The following CACUL1 variants were observed in gnomAD, a reference collection of about 807,000 sequenced individuals.
The protein encoded by CACUL1 is CDK2-associated and cullin domain-containing protein 1.
CACUL1 carries 13 observed loss-of-function variants against 45.2 expected under a neutral mutation model. The ratio of observed to expected loss-of-function variants is 0.29; its 90% CI spans 0.19 to 0.46. The LOEUF is 0.46. CACUL1 is among the 20% of genes least tolerant of loss of function. The pLI, the probability that CACUL1 is intolerant of heterozygous loss-of-function variation, is 1.00. For missense variants in CACUL1, 421 were observed against 471.4 expected (o/e 0.89, Z 0.99); for synonymous variants, 197 against 174.2 (o/e 1.13, Z -1.03).
intron 1 of CACUL1, among the ~76,000 whole-genome samples, chr10:118,737,308 AACACTATGG>A (rs1440305760): frequency 6.6e-6 from 1 of 152,216 alleles, no homozygotes; most frequent in African/African-American, 2.4e-5. Context: ...ATTCAATTTA[AACACTATGG>A]ACAATTTAAA....
At chr10:118,694,172 G>GT (rs1845298809) in intron 6 of CACUL1, among the ~76,000 whole-genome samples, 1 of 152,130 alleles carries the variant, frequency 6.6e-6, no homozygotes, top group Non-Finnish European at 1.5e-5. Flanking sequence ...GCCTAAGAAG[G>GT]TATTTCTAAA....
intron 2 of CACUL1, 52 bp from the exon 3 acceptor site, chr10:118,729,449 ACT>A (rs1845679462): frequency 7.6e-7 from 1 of 1,310,366 alleles, no homozygotes; most frequent in Admixed American, 1.7e-5. Context: ...AAAGCACTTA[ACT>A]CAGTCCAAGG....
intron 3 of CACUL1, among the ~76,000 whole-genome samples, chr10:118,715,905 T>C (rs759584561): frequency 2.6e-5 from 4 of 152,174 alleles, no homozygotes; most frequent in African/African-American, 7.2e-5. Context: ...TGTACGTTCA[T>C]TGAAATTTTT....
At chr10:118,745,331 G>A (rs1845831120) in intron 1 of CACUL1, among the ~76,000 whole-genome samples, 1 of 152,174 alleles carries the variant, frequency 6.6e-6, no homozygotes, top group African/African-American at 2.4e-5. Context: ...GCCGAGGTAG[G>A]TAGGTGGATC....
chr10:118,710,941 G>C (rs1261823476), intron 3 of CACUL1, among the ~76,000 whole-genome samples: 2 of 152,148 alleles, frequency 1.3e-5, no homozygotes, highest in Non-Finnish European at 2.9e-5. Context: ...ACTAGCTGTG[G>C]TACTTCTAAG....
At chr10:118,703,965 T>C (rs1845408773) in intron 4 of CACUL1, among the ~76,000 whole-genome samples, 1 of 140,790 alleles carries the variant, frequency 7.1e-6, no homozygotes, top group Admixed American at 6.8e-5. Flanking sequence ...CAATTTTGCA[T>C]TTTTTCCCCA....
intron 5 of CACUL1, among the ~76,000 whole-genome samples, chr10:118,697,972 T>C (rs183425086): frequency 9.2e-5 from 14 of 152,346 alleles, no homozygotes; most frequent in African/African-American, 1.9e-4. Context: ...ATGGAGCCGA[T>C]AGAAAACTAG....
intron 7 of CACUL1, among the ~76,000 whole-genome samples, chr10:118,690,356 C>T (rs967282069): frequency 8.2e-5 from 12 of 146,392 alleles, no homozygotes; most frequent in African/African-American, 2.0e-4. Flanking sequence ...AAAATGGAAG[C>T]TATTACTGTG....
intron 3 of CACUL1, 105 bp downstream of exon 3, chr10:118,729,190 A>T (rs536813884): frequency 1.4e-6 from 1 of 703,314 alleles, no homozygotes; most frequent in African/African-American, 1.8e-5. Flanking sequence ...TTATAAATTT[A>T]TATCATAATC....
At chr10:118,707,458 G>T in intron 4 of CACUL1, 34 bp downstream of exon 4, 1 of 968,144 alleles carries the variant, frequency 1.0e-6, no homozygotes, top group Non-Finnish European at 1.7e-6. Flanking sequence ...AATACACCTA[G>T]GTATTTGGGA....
chr10:118,741,001 TTAAATCCTGGAAGTCAACAGGTAA>T (rs1456816192), intron 1 of CACUL1, among the ~76,000 whole-genome samples: 1 of 151,040 alleles, frequency 6.6e-6, no homozygotes, highest in Non-Finnish European at 1.5e-5. Flanking sequence ...TATAAGAGAA[TTAAATCCTGGAAGTCAACAGGTAA>T]TATAAAAATG....
At chr10:118,738,863 T>C (rs1190934303) in intron 1 of CACUL1, among the ~76,000 whole-genome samples, 1 of 85,526 alleles carries the variant, frequency 1.2e-5, no homozygotes, top group Non-Finnish European at 2.5e-5. Context: ...AAAAACAGTG[T>C]CATAAAAAAG....
chr10:118,739,005 C>T lies in CACUL1; in HGVS notation c.368-8595G>A, dbSNP rs548978547. 1.2e-4 allele frequency among the ~76,000 whole-genome samples: 18 copies of T among 150,466 alleles called. No individual in the cohort carries two copies. In the South Asian group the frequency reaches 3.6e-3, roughly 30 times the overall value. On this transcript the variant is annotated intron_variant, in intron 1 of 8. Coordinates refer to ENST00000369151, the MANE Select transcript of CACUL1 (RefSeq NM_153810.5). ...GAGGTCAGGAGATAGAGTCTCCTGG[C>T]TAACACGGTGAAACCTGGTCTGTAC...
rs1221508558 is a variant in CACUL1 at position 118,681,730 on chromosome 10, A to C, written c.*4398T>G. 6.6e-6 allele frequency: 1 copy of C among 152,308 alleles called. No individual in the cohort carries two copies. Among genetic ancestry groups the C allele is most frequent in the African/African-American group, 2.4e-5 (1 of 41,450 alleles). 9.4% of individuals were successfully genotyped at this position (152,308 alleles called of 1,614,324 possible). A position where few individuals can be genotyped will look rare whatever the true frequency, so the allele number is the denominator to read the frequency against. On this transcript the variant is annotated 3_prime_UTR_variant, in exon 9 of 9. Transcript: ENST00000369151. ...ATTCTCCCACAGCCACTCCATCAAC[A>C]GAAGCAGAAACAGTACACATATTCA...
At chr10:118,743,206 C>T (rs1293008213) in intron 1 of CACUL1, among the ~76,000 whole-genome samples, 2 of 151,812 alleles carry the variant, frequency 1.3e-5, no homozygotes, top group Admixed American at 1.3e-4. Flanking sequence ...AAAAAAAAAT[C>T]TTTAAAAAAA....
intron 7 of CACUL1, chr10:118,686,847 A>T: frequency 1.9e-6 from 1 of 538,162 alleles, no homozygotes; most frequent in Non-Finnish European, 3.3e-6. Context: ...TGTATTAACC[A>T]GTTCATCCTC....
intron 1 of CACUL1, among the ~76,000 whole-genome samples, chr10:118,747,740 G>C (rs1449161219): frequency 6.6e-6 from 1 of 152,152 alleles, no homozygotes; most frequent in African/African-American, 2.4e-5. Context: ...AGGCAGATCA[G>C]TAGGAATGCT....
chr10:118,715,053 T>C (rs1312605147), intron 3 of CACUL1, among the ~76,000 whole-genome samples: 1 of 152,256 alleles, frequency 6.6e-6, no homozygotes, highest in Non-Finnish European at 1.5e-5. Context: ...ATTGTTGCAC[T>C]GAGTAACTTC....
At chr10:118,728,989 T>C (rs1477667446) in intron 3 of CACUL1, among the ~76,000 whole-genome samples, 1 of 152,124 alleles carries the variant, frequency 6.6e-6, no homozygotes, top group Non-Finnish European at 1.5e-5. Context: ...ATCATAAAAG[T>C]CACCAAATAT....
Sources: allele counts gnomAD v4.1 joint callset (sites outside exome capture counted in the v4.1 genomes callset), GRCh38; gene constraint gnomAD v4.1.1; transcripts MANE v1.5; gene names NCBI Gene and HGNC (gene_info 2026-07-23, HGNC 2026-07-21).